DSCAM: variants seen among roughly 807,000 people sequenced by gnomAD.
The protein encoded by DSCAM is cell adhesion molecule DSCAM.
In DSCAM, 47 loss-of-function variants were observed where a neutral mutation model predicts 217.7. That is an observed-to-expected ratio of 0.22 (90% CI 0.17 to 0.28). The LOEUF is 0.28. DSCAM is among the 10% of genes least tolerant of loss of function. The probability of loss-of-function intolerance (pLI) is 1.00; values close to 1 mark genes in which losing one functional copy is unlikely to be tolerated. For missense variants in DSCAM, 2,080 were observed against 2,618.3 expected, an observed-to-expected ratio of 0.79 and a Z score of 4.49; for synonymous variants, 1,056 against 1,015.3, an observed-to-expected ratio of 1.04 and a Z score of -0.76.
At chr21:40,788,970 T>C (rs2091616266) in intron 1 of DSCAM, among the ~76,000 whole-genome samples, 1 of 152,232 alleles carries the variant, frequency 6.6e-6, no homozygotes, top group Non-Finnish European at 1.5e-5. Flanking sequence ...CAGAATCTAA[T>C]TTTAGAATTC....
chr21:40,617,841 C>T (rs929622527), intron 3 of DSCAM, among the ~76,000 whole-genome samples: 2 of 152,232 alleles, frequency 1.3e-5, no homozygotes, highest in African/African-American at 4.8e-5. Context: ...ACTCTGCTGA[C>T]TCAGATTCTG....
intron 32 of DSCAM, among the ~76,000 whole-genome samples, chr21:40,025,944 G>A (rs1196257343): frequency 6.7e-6 from 1 of 148,786 alleles, no homozygotes; most frequent in African/African-American, 2.5e-5. Context: ...TGCTTTTCTA[G>A]TTCTTTTAAT....
intron 3 of DSCAM, among the ~76,000 whole-genome samples, chr21:40,603,925 CTTTTTTTTT>C (rs3070814): frequency 1.0e-5 from 1 of 97,322 alleles, no homozygotes. Context: ...TTTTGCATTT[CTTTTTTTTT>C]TTTTTTTTTT....
intron 8 of DSCAM, among the ~76,000 whole-genome samples, chr21:40,316,295 G>A (rs2123504193): frequency 6.6e-6 from 1 of 152,320 alleles, no homozygotes; most frequent in African/African-American, 2.4e-5. Context: ...CATTGTTAAT[G>A]TAAATTAAAT....
intron 3 of DSCAM, among the ~76,000 whole-genome samples, chr21:40,628,396 A>G (rs1480477319): frequency 6.6e-6 from 1 of 152,198 alleles, no homozygotes; most frequent in African/African-American, 2.4e-5. Flanking sequence ...CTTCTTCTAT[A>G]AAATGGGGAT....
At chr21:40,424,223 T>C (rs536638514) in intron 3 of DSCAM, among the ~76,000 whole-genome samples, 1 of 152,304 alleles carries the variant, frequency 6.6e-6, no homozygotes, top group Non-Finnish European at 1.5e-5. Context: ...CCAAAATTCA[T>C]GGCAGACCCC....
At chr21:40,208,927 C>T (rs868737959) in intron 11 of DSCAM, among the ~76,000 whole-genome samples, 1 of 152,182 alleles carries the variant, frequency 6.6e-6, no homozygotes, top group Non-Finnish European at 1.5e-5. Flanking sequence ...GGAAAAAGCC[C>T]TCAAAACAAA....
chr21:40,473,508 C>T (rs943040257), intron 3 of DSCAM, among the ~76,000 whole-genome samples: 1 of 152,172 alleles, frequency 6.6e-6, no homozygotes, highest in East Asian at 1.9e-4. Flanking sequence ...TTAACACCAG[C>T]GCAAATATGA....
chr21:40,206,454 C>T (rs1174518489), intron 11 of DSCAM, among the ~76,000 whole-genome samples: 1 of 152,056 alleles, frequency 6.6e-6, no homozygotes, highest in Admixed American at 6.6e-5. Flanking sequence ...GCTGCACATT[C>T]TACATGTTCC....
At chr21:40,733,655 T>C (rs904724877) in intron 1 of DSCAM, among the ~76,000 whole-genome samples, 2 of 152,162 alleles carry the variant, frequency 1.3e-5, no homozygotes, top group Non-Finnish European at 2.9e-5. Flanking sequence ...GAGTGACTTA[T>C]CAGAGAGGTG....
chr21:40,843,225 A>G (rs2092116574), intron 1 of DSCAM, among the ~76,000 whole-genome samples: 1 of 152,036 alleles, frequency 6.6e-6, no homozygotes, highest in Non-Finnish European at 1.5e-5. Context: ...GGTGCTGCAT[A>G]CTCATCTTCT....
intron 20 of DSCAM, among the ~76,000 whole-genome samples, chr21:40,097,954 A>AAAAAAAAG (rs1555877400): frequency 1.6e-4 from 8 of 51,516 alleles, no homozygotes; most frequent in African/African-American, 4.9e-4. Flanking sequence ...AAAAAAAAAA[A>AAAAAAAAG]AAAGAAAGAA....
At chr21:40,770,870 G>T (rs993235310) in intron 1 of DSCAM, among the ~76,000 whole-genome samples, 3 of 152,252 alleles carry the variant, frequency 2.0e-5, no homozygotes, top group African/African-American at 7.2e-5. Context: ...CTAAACAGAT[G>T]CAGAGGCATA....
chr21:40,788,542 T>A (rs1270018691), intron 1 of DSCAM, among the ~76,000 whole-genome samples: 4 of 152,220 alleles, frequency 2.6e-5, no homozygotes, highest in Non-Finnish European at 4.4e-5. Context: ...TTCCATCTGC[T>A]TTTTATTTGG....
At chr21:40,292,253 G>A (rs1468516897) in intron 10 of DSCAM, among the ~76,000 whole-genome samples, 1 of 139,708 alleles carries the variant, frequency 7.2e-6, no homozygotes, top group Non-Finnish European at 1.5e-5. Context: ...TTAAACTGCA[G>A]TGATTTACCC....
In DSCAM at chr21:40,733,409, A is replaced by C. The variant is rs573241430; in HGVS notation, c.44-24638T>G. Among the ~76,000 whole-genome samples the C allele has an allele frequency of 9.9e-5, 15 of 152,258 alleles. No individual in the cohort carries two copies. The East Asian group carries it at 2.3e-3, about 24-fold the overall frequency. On this transcript the variant is annotated intron_variant, in intron 1 of 32. Transcript: ENST00000400454. ...CACTGGGGGTAATTTTGCCCTCCCT[A>C]GGGAAAATTAGCAATGTTTGGAGAT...
At position 40,441,794 on chromosome 21, in the gene DSCAM, C is replaced by A. The variant is rs140282135; in HGVS notation, c.509-72549G>T. ...GTGCATGCATCTTTTCCCATCTACT[C>A]GCTGACCAATGCCCTCTGCTCAGGA... is the stretch of plus-strand genomic sequence containing the variant. On this transcript the variant is annotated intron_variant, in intron 3 of 32. Transcript: ENST00000400454. 5.0e-4 allele frequency among the ~76,000 whole-genome samples: 76 copies of A among 152,278 alleles called. No homozygotes were observed. In the Middle Eastern group the frequency reaches 0.014, roughly 27 times the overall value.
At chr21:40,628,028 C>T (rs970409781) in intron 3 of DSCAM, among the ~76,000 whole-genome samples, 2 of 152,160 alleles carry the variant, frequency 1.3e-5, no homozygotes, top group South Asian at 2.1e-4. Flanking sequence ...ACTTTGTATA[C>T]CACCTTGTTG....
chr21:40,149,390 C>T lies in DSCAM; in HGVS notation c.3019-4659G>A, dbSNP rs371693264. Among the ~76,000 whole-genome samples, 6 of 148,482 alleles carry T rather than the reference C, an allele frequency of 4.0e-5. 1 individual carries two copies. Among genetic ancestry groups the T allele is most frequent in the Non-Finnish European group, 8.9e-5 (6 of 67,226 alleles). ...CTTCTTCACTATCCCAACACCAACA[C>T]CACTGTCACCACAACATCCATCACT... is the stretch of plus-strand genomic sequence containing the variant. On this transcript the variant is annotated intron_variant, in intron 16 of 32. Transcript: ENST00000400454.
Sources: allele counts gnomAD v4.1 joint callset (sites outside exome capture counted in the v4.1 genomes callset), GRCh38; gene constraint gnomAD v4.1.1; transcripts MANE v1.5; gene names NCBI Gene and HGNC (gene_info 2026-07-23, HGNC 2026-07-21).